MCF2L2: variants seen among roughly 807,000 people sequenced by gnomAD.
MCF2L2 encodes the protein MCF.2 cell line derived transforming sequence-like 2, also known as probable guanine nucleotide exchange factor MCF2L2.
MCF2L2 carries 102 observed loss-of-function variants against 150.2 expected under a neutral mutation model. That is an observed-to-expected ratio of 0.68 (90% confidence interval 0.58 to 0.80). The LOEUF (loss-of-function observed/expected upper bound fraction) is 0.80. Ranked by LOEUF, MCF2L2 falls within the 30% of genes least tolerant of loss-of-function variation. MCF2L2 has a pLI of 0.00. For synonymous variants in MCF2L2, 465 were observed against 491.3 expected (o/e 0.95, Z 0.71); for missense variants, 1,256 against 1,372.8 (o/e 0.91, Z 1.34).
intron 7 of MCF2L2, among the ~76,000 whole-genome samples, chr3:183,317,413 G>A (rs367554340): frequency 7.2e-5 from 11 of 152,232 alleles, no homozygotes; most frequent in African/African-American, 2.6e-4. Flanking sequence ...GAAGCCCCGG[G>A]AAGATTTCCC....
chr3:183,364,775 A>T (rs918177325), intron 3 of MCF2L2, among the ~76,000 whole-genome samples: 2 of 152,216 alleles, frequency 1.3e-5, no homozygotes, highest in Non-Finnish European at 2.9e-5. Context: ...ATGCAAAAAA[A>T]TTTGAAAACC....
intron 1 of MCF2L2, among the ~76,000 whole-genome samples, chr3:183,418,963 A>C (rs752229675): frequency 8.5e-5 from 13 of 152,134 alleles, no homozygotes; most frequent in Admixed American, 6.5e-4. Context: ...TTTCTCCTCC[A>C]CACTGCCCTA....
At chr3:183,361,399 G>C (rs1324140177) in intron 3 of MCF2L2, among the ~76,000 whole-genome samples, 2 of 152,130 alleles carry the variant, frequency 1.3e-5, no homozygotes. Context: ...GTTGAGAGAG[G>C]GACCTGGTAG....
At chr3:183,354,112 T>C (rs1180374391) in intron 3 of MCF2L2, among the ~76,000 whole-genome samples, 1 of 152,222 alleles carries the variant, frequency 6.6e-6, no homozygotes, top group Non-Finnish European at 1.5e-5. Context: ...CAGGCTCAAA[T>C]GTCCAGCATT....
chr3:183,223,301 CGTCTGGTTTCCCACCAAGGAAAA>C, intron 20 of MCF2L2, 22 bp downstream of exon 20: 1 of 1,424,834 alleles, frequency 7.0e-7, no homozygotes, highest in Non-Finnish European at 9.9e-7. Context: ...ACAGTGCAGG[CGTCTGGTTTCCCACCAAGGAAAA>C]GCACTGTCTC....
chr3:183,245,179 C>T (rs1051183447), intron 15 of MCF2L2, among the ~76,000 whole-genome samples: 2 of 152,124 alleles, frequency 1.3e-5, no homozygotes, highest in African/African-American at 4.8e-5. Flanking sequence ...ATAAATGAAA[C>T]AAAGGTCACA....
intron 2 of MCF2L2, among the ~76,000 whole-genome samples, chr3:183,383,303 C>T (rs900224953): frequency 7.2e-5 from 11 of 152,166 alleles, no homozygotes; most frequent in African/African-American, 2.4e-4. Context: ...GGCACGATCT[C>T]GGCTCACCAC....
chr3:183,297,157 C>T lies in MCF2L2; in HGVS notation c.1316G>A (p.Trp439Ter). Residue 439 changes from tryptophan (W) to a stop codon, truncating the protein, a stop_gained, in exon 12 of 30, where the codon TGG becomes TAG. Coordinates refer to ENST00000328913, the MANE Select transcript of MCF2L2 (RefSeq NM_015078.4). LOFTEE classifies it high-confidence loss of function. Reference sequence around the variant, plus strand: ...CAAGAGGTAGATTCCTGCCTCACACCATTGGCTGACCTTTTGGAAAGAAAC... The same window carrying T: ...CAAGAGGTAGATTCCTGCCTCACACTATTGGCTGACCTTTTGGAAAGAAAC... ...FHRQLDKVSQWCEAGIYLLAS... is the reference protein window; with the variant it reads ...FHRQLDKVSQ 6.2e-7 allele frequency: 1 copy of T among 1,613,882 alleles called. No homozygotes were observed. The highest frequency in any genetic ancestry group is 8.5e-7 in the Non-Finnish European group (1 of 1,179,854).
chr3:183,182,927 A>T (rs1483313156), intron 27 of MCF2L2, among the ~76,000 whole-genome samples: 1 of 152,106 alleles, frequency 6.6e-6, no homozygotes, highest in East Asian at 1.9e-4. Flanking sequence ...CAGGGCCAGG[A>T]CCGGGGTGTC....
chr3:183,424,429 G>A (rs1221415430), intron 1 of MCF2L2, among the ~76,000 whole-genome samples: 1 of 152,212 alleles, frequency 6.6e-6, no homozygotes, highest in Non-Finnish European at 1.5e-5. Context: ...GTCCTTAAAA[G>A]TGTAAAAACT....
rs146378010 is a variant in MCF2L2, at chr3:183,270,572, T to C, written c.1862+6300A>G. 149 of 1,614,078 alleles carry C rather than the reference T, an allele frequency of 9.2e-5. No homozygotes were observed. Among genetic ancestry groups the C allele is most frequent in the Non-Finnish European group, 1.2e-4 (140 of 1,180,044 alleles). On this transcript the variant is annotated intron_variant, in intron 15 of 29. Transcript: ENST00000328913. This position sits in a 1 kb window ranked among gnomAD's most constrained non-coding sequence, Gnocchi z 4.5. ...CTGACTACACAGCCGGAGCTGCCTA[T>C]GTAATCTCCGGTGATGTAGCTGCCA...
intron 5 of MCF2L2, among the ~76,000 whole-genome samples, chr3:183,333,788 A>G (rs1560026319): frequency 2.0e-5 from 3 of 152,102 alleles, no homozygotes; most frequent in South Asian, 4.2e-4. Context: ...AGAGCCTAAA[A>G]ACAAAGATAC....
intron 3 of MCF2L2, among the ~76,000 whole-genome samples, chr3:183,343,980 G>A (rs1730802761): frequency 6.6e-6 from 1 of 152,000 alleles, no homozygotes; most frequent in Admixed American, 6.6e-5. Context: ...AGGCCGGCCT[G>A]AGCAACAACA....
intron 1 of MCF2L2, among the ~76,000 whole-genome samples, chr3:183,395,923 A>G (rs1419749416): frequency 1.4e-5 from 2 of 147,002 alleles, no homozygotes; most frequent in African/African-American, 5.0e-5. Context: ...GTCTCAAAAA[A>G]AAAAAAAAAA....
chr3:183,308,099 T>C (rs192082960), intron 10 of MCF2L2, among the ~76,000 whole-genome samples: 11 of 152,332 alleles, frequency 7.2e-5, no homozygotes, highest in Non-Finnish European at 1.2e-4. Context: ...TGTTACTATC[T>C]GATGTTATTA....
Position 183,179,174 on chromosome 3 carries a change from G to A in MCF2L2, c.*206C>T. 2 of 597,540 alleles carry A rather than the reference G, an allele frequency of 3.3e-6. No homozygotes were observed. The highest frequency in any genetic ancestry group is 5.1e-6 in the Non-Finnish European group (2 of 392,572). 37.0% of individuals were successfully genotyped at this position (597,540 alleles called of 1,614,324 possible). On this transcript the variant is annotated 3_prime_UTR_variant, in exon 30 of 30. Transcript: ENST00000328913. This position sits in a 1 kb window ranked among gnomAD's most constrained non-coding sequence, Gnocchi z 4.2. Reference sequence around the variant, plus strand: ...TGCTCGCCTCTGCAGGCGCCTTAGAGCAGCTCCGAGGTCCCCCGTGCGGAG... The same window carrying A: ...TGCTCGCCTCTGCAGGCGCCTTAGAACAGCTCCGAGGTCCCCCGTGCGGAG...
At chr3:183,310,081 C>A (rs1182004944) in intron 9 of MCF2L2, among the ~76,000 whole-genome samples, 1 of 152,116 alleles carries the variant, frequency 6.6e-6, no homozygotes, top group Non-Finnish European at 1.5e-5. Flanking sequence ...AGGAAGACAG[C>A]TGGGTCCAGT....
At chr3:183,294,594 T>C (rs991516343) in intron 13 of MCF2L2, among the ~76,000 whole-genome samples, 2 of 147,084 alleles carry the variant, frequency 1.4e-5, no homozygotes, top group Admixed American at 6.9e-5. Context: ...TATACATATA[T>C]GTGTATGTGT....
In MCF2L2 at chr3:183,323,237, T is replaced by C. The variant is rs1474205720; in HGVS notation, c.601A>G (p.Thr201Ala). The change falls in exon 6 of 30, where the codon ACT (threonine) becomes GCT (alanine). Residue 201 changes from threonine (T) to alanine (A), a missense_variant and splice_region_variant. Transcript: ENST00000328913. ...AGCACACGTAAGCTGGTACTCACAGTGCGGTGATTTACCCACTGACCGTGG... is the reference window on the plus strand; with the variant it reads ...AGCACACGTAAGCTGGTACTCACAGCGCGGTGATTTACCCACTGACCGTGG... The part of the protein sequence containing the change: ...YRHGQWVNHR[T>A]AIENFALTLK... 1.2e-6 allele frequency: 2 copies of C among 1,603,652 alleles called. No homozygotes were observed. Among genetic ancestry groups the C allele is most frequent in the Non-Finnish European group, 1.7e-6 (2 of 1,171,184 alleles).
Sources: allele counts gnomAD v4.1 joint callset (sites outside exome capture counted in the v4.1 genomes callset), GRCh38; gene constraint gnomAD v4.1.1; non-coding constraint Gnocchi (gnomAD v3.1); transcripts MANE v1.5; gene names NCBI Gene and HGNC (gene_info 2026-07-23, HGNC 2026-07-21).